Variants in SNED1 observed in about 807,000 individuals in gnomAD.
SNED1 encodes the protein sushi, nidogen and EGF-like domain-containing protein 1.
A neutral mutation model predicts 166.7 loss-of-function variants in SNED1; 81 were observed. The ratio of observed to expected loss-of-function variants is 0.49; its 90% CI spans 0.41 to 0.58. SNED1 has a LOEUF of 0.58. Ranked by LOEUF, SNED1 falls within the 20% of genes least tolerant of loss-of-function variation. The probability of loss-of-function intolerance (pLI) is 0.00; values close to 1 mark genes in which losing one functional copy is unlikely to be tolerated. For missense variants in SNED1, 1,604 were observed against 2,000.2 expected (o/e 0.80, Z 3.78); for synonymous variants, 762 against 822.0 (o/e 0.93, Z 1.25).
At chr2:241,071,760 G>A (rs374519522) in intron 25 of SNED1, 36 bp from the exon 26 acceptor site, 34 of 1,543,242 alleles carry the variant, frequency 2.2e-5, no homozygotes, top group Middle Eastern at 1.7e-4. Context: ...CCGAGGCGGC[G>A]CTCGGACTGT....
intron 21 of SNED1, 34 bp downstream of exon 21, chr2:241,065,629 G>A (rs2062410544): frequency 6.3e-7 from 1 of 1,593,386 alleles, no homozygotes; most frequent in Non-Finnish European, 8.6e-7. Flanking sequence ...TCCCTGCCCA[G>A]CCCCTGCCCC....
intron 18 of SNED1, 44 bp from the exon 19 acceptor site, chr2:241,063,968 A>T: frequency 3.7e-6 from 5 of 1,348,770 alleles, no homozygotes; most frequent in Non-Finnish European, 4.1e-6. Context: ...CCTCCCCCAG[A>T]CTCCCCCCTT....
Position 241,030,327 on chromosome 2 carries a change from A to G in SNED1, c.257A>G (p.Gln86Arg), listed in dbSNP as rs1330307978. Residue 86 changes from glutamine (Q) to arginine (R), a missense_variant, in exon 2 of 32, where the codon CAG (glutamine) becomes CGG (arginine). Transcript: ENST00000310397. ...ATCTCCTTCCTGAAGGAGGTTTCTC[A>G]GTTCACCCCAGTGGCCTTCCCCATT... ...GIISFLKEVSQFTPVAFPIAK... is the reference protein window; with the variant it reads ...GIISFLKEVSRFTPVAFPIAK... 1 of 1,603,856 alleles carries G rather than the reference A, an allele frequency of 6.2e-7. No individual in the cohort carries two copies. Among genetic ancestry groups the G allele is most frequent in the East Asian group, 2.2e-5 (1 of 44,540 alleles).
chr2:241,044,027 T>C (rs2061582531), intron 8 of SNED1, among the ~76,000 whole-genome samples: 1 of 152,132 alleles, frequency 6.6e-6, no homozygotes, highest in Non-Finnish European at 1.5e-5. Flanking sequence ...AAGATATACA[T>C]TGTAAACCCA....
chr2:241,089,044 T>A, intron 31 of SNED1: 1 of 382,642 alleles, frequency 2.6e-6, no homozygotes, highest in Non-Finnish European at 4.7e-6. Context: ...CAAACTCTTT[T>A]GGCAACCAAA....
Position 241,093,991 on chromosome 2 carries a change from G to A in SNED1, c.*2355G>A, listed in dbSNP as rs2064218084. 4.6e-6 allele frequency: 1 copy of A among 218,372 alleles called. No homozygotes were observed. 13.5% of individuals were successfully genotyped at this position (218,372 alleles called of 1,614,324 possible). Reference sequence around the variant, plus strand: ...CTGATCATCTAACCAAGTGCAGACTGAGGATTCTACTTAGTCCTCCGACTG... The same window carrying A: ...CTGATCATCTAACCAAGTGCAGACTAAGGATTCTACTTAGTCCTCCGACTG... On this transcript the variant is annotated 3_prime_UTR_variant, in exon 32 of 32. Transcript: ENST00000310397.
chr2:241,020,994 C>T (rs1246870666), intron 1 of SNED1, among the ~76,000 whole-genome samples: 1 of 152,216 alleles, frequency 6.6e-6, no homozygotes, highest in Admixed American at 6.5e-5. Flanking sequence ...TGCACACACC[C>T]AGGTTCCATC....
rs1181062934 is a variant in SNED1, at chr2:241,069,948, C to T, written c.3336C>T (p.Ala1112=). Residue 1112 remains alanine, a synonymous_variant, in exon 24 of 32, where the codon GCC becomes GCT. Transcript: ENST00000310397. This position sits in a 1 kb window ranked among gnomAD's most constrained non-coding sequence, Gnocchi z 4.9. ...CCCTGCCTCCAGCAAACCTGACCGC[C>T]GCCCGAGTCACTGCCACCTCTGCCC... ...TRPLPPANLT[A]ARVTATSAHV... is the part of the protein sequence containing the mutation. 14 of 1,612,870 alleles carry T rather than the reference C, an allele frequency of 8.7e-6. No homozygotes were observed. In the East Asian group the frequency reaches 8.9e-5, roughly 10 times the overall value.
rs1163553826 is a variant in SNED1 at position 241,048,341 on chromosome 2, C to T, written c.1300C>T (p.Leu434Phe). 2 of 1,610,248 alleles carry T rather than the reference C, an allele frequency of 1.2e-6. No homozygotes were observed. The highest frequency in any genetic ancestry group is 1.7e-5 in the Admixed American group (1 of 59,402). Residue 434 changes from leucine to phenylalanine, a missense_variant, in exon 9 of 32, where the codon CTC (leucine) becomes TTC (phenylalanine). This residue lies in a region of SNED1 where 1,237 missense variants were observed against 1,620.8 expected (regional missense o/e 0.76). Transcript: ENST00000310397. ...AGACCATCCAGTGCCAGACGCCTGC[C>T]TCTCGGCCCCTTGCCACAATGGGGG... ...TGDHPVPDAC[L>F]SAPCHNGGTC...
intron 1 of SNED1, among the ~76,000 whole-genome samples, chr2:241,020,395 G>A (rs924258127): frequency 6.6e-6 from 1 of 152,224 alleles, no homozygotes; most frequent in African/African-American, 2.4e-5. Flanking sequence ...CAGCTTAGCC[G>A]GACCATCCTT....
intron 27 of SNED1, among the ~76,000 whole-genome samples, chr2:241,080,260 G>A (rs1370147131): frequency 6.6e-6 from 1 of 152,110 alleles, no homozygotes. Flanking sequence ...CTCCAGCCTG[G>A]GCAACAGAGC....
Position 241,033,731 on chromosome 2 carries a change from G to A in SNED1, c.502-4G>A, listed in dbSNP as rs1208270057. 6.2e-7 allele frequency: 1 copy of A among 1,610,160 alleles called. No individual in the cohort carries two copies. On this transcript the variant is annotated splice_polypyrimidine_tract_variant and splice_region_variant and intron_variant, in intron 2 of 31. Transcript: ENST00000310397. Reference sequence around the variant, plus strand: ...GGCCCTGTTCAGCCCCCTCTCCCCGGCAGGTCAACACATTCCAGACTGTGC... The same window carrying A: ...GGCCCTGTTCAGCCCCCTCTCCCCGACAGGTCAACACATTCCAGACTGTGC...
Position 241,062,918 on chromosome 2 carries a change from T to C in SNED1, c.2371+14T>C. On this transcript the variant is annotated intron_variant, in intron 17 of 31. Transcript: ENST00000310397. Reference sequence around the variant, plus strand: ...ACTGTGAGCTGGGTAAGAGGGGCCCTGGCCCCGCTGGGGTGACAGCTGCAG... The same window carrying C: ...ACTGTGAGCTGGGTAAGAGGGGCCCCGGCCCCGCTGGGGTGACAGCTGCAG... 6.6e-7 allele frequency: 1 copy of C among 1,511,446 alleles called. No individual in the cohort carries two copies. The highest frequency in any genetic ancestry group is 9.0e-7 in the Non-Finnish European group (1 of 1,108,704). 93.6% of individuals were successfully genotyped at this position (1,511,446 alleles called of 1,614,324 possible).
Position 241,051,717 on chromosome 2 carries a change from C to A in SNED1, c.1736-27C>A. On this transcript the variant is annotated intron_variant, in intron 12 of 31. Coordinates refer to ENST00000310397, the MANE Select transcript of SNED1 (RefSeq NM_001080437.3). The surrounding 1 kb of genome is among the most constrained non-coding windows in gnomAD (Gnocchi z 4.7). Reference sequence around the variant, plus strand: ...GTGGGGCCAGCAGCCTGGCCCCGTTCATCTGCCTCTCTGTCCTTCCACACA... The same window carrying A: ...GTGGGGCCAGCAGCCTGGCCCCGTTAATCTGCCTCTCTGTCCTTCCACACA... 1 of 1,448,110 alleles carries A rather than the reference C, an allele frequency of 6.9e-7. No homozygotes were observed. The highest frequency in any genetic ancestry group is 1.4e-5 in the South Asian group (1 of 69,366). 89.7% of individuals were successfully genotyped at this position (1,448,110 alleles called of 1,614,324 possible). A position where few individuals can be genotyped will look rare whatever the true frequency, so the allele number is the denominator to read the frequency against.
At chr2:241,081,497 A>G (rs1559309264) in intron 27 of SNED1, among the ~76,000 whole-genome samples, 180 bp from the exon 28 acceptor site, 1 of 152,116 alleles carries the variant, frequency 6.6e-6, no homozygotes, top group Non-Finnish European at 1.5e-5. Flanking sequence ...GCTCTCTCTC[A>G]ACACCTGAAC....
At chr2:241,055,432 C>T (rs1457765334) in intron 16 of SNED1, among the ~76,000 whole-genome samples, 1 of 152,184 alleles carries the variant, frequency 6.6e-6, no homozygotes, top group Non-Finnish European at 1.5e-5. Context: ...TCAAACTTCT[C>T]AACAGCAATA....
intron 21 of SNED1, among the ~76,000 whole-genome samples, chr2:241,067,456 G>A (rs1165075099): frequency 2.0e-5 from 3 of 152,214 alleles, no homozygotes; most frequent in African/African-American, 7.2e-5. Context: ...AGGGACTCCG[G>A]CCCATCCCCT....
chr2:241,078,770 T>C (rs1333547567), intron 27 of SNED1, among the ~76,000 whole-genome samples: 1 of 151,802 alleles, frequency 6.6e-6, no homozygotes, highest in Non-Finnish European at 1.5e-5. Context: ...TTGTACACTT[T>C]GGGTGAATTT....
At chr2:241,047,528 T>C (rs1417391378) in intron 8 of SNED1, among the ~76,000 whole-genome samples, 1 of 152,264 alleles carries the variant, frequency 6.6e-6, no homozygotes, top group African/African-American at 2.4e-5. Context: ...TCAAGTGCTC[T>C]TGGCCATCAT....
Sources: gnomAD v4.1 joint callset for allele counts (sites outside exome capture counted in the v4.1 genomes callset) on GRCh38, gnomAD v4.1.1 for gene constraint, gnomAD v4.1.1 regional missense constraint, Gnocchi (gnomAD v3.1) non-coding constraint, MANE v1.5 for transcripts, NCBI Gene and HGNC (gene_info 2026-07-23, HGNC 2026-07-21) for gene names.